DIP2A: variants seen among roughly 807,000 people sequenced by gnomAD.
DIP2A encodes disco-interacting protein 2 homolog A.
DIP2A carries 85 observed loss-of-function variants against 177.4 expected under a neutral mutation model. That is an observed-to-expected ratio of 0.48 (90% confidence interval 0.40 to 0.57). DIP2A has a LOEUF of 0.57. DIP2A is among the 20% of genes least tolerant of loss of function. The pLI, the probability that DIP2A is intolerant of heterozygous loss-of-function variation, is 0.00. For missense variants in DIP2A, 1,791 were observed against 2,100.2 expected (o/e 0.85, Z 2.88); for synonymous variants, 886 against 881.8 (o/e 1.00, Z -0.08).
downstream of DIP2A, among the ~76,000 whole-genome samples, chr21:46,572,075 A>G (rs944645878): frequency 2.6e-5 from 4 of 152,154 alleles, no homozygotes; most frequent in African/African-American, 9.7e-5. Flanking sequence ...GATATGGTCC[A>G]CCAATACCTA....
At chr21:46,559,664 CAT>C (rs2060600555) in intron 32 of DIP2A, among the ~76,000 whole-genome samples, 1 of 152,350 alleles carries the variant, frequency 6.6e-6, no homozygotes, top group East Asian at 1.9e-4. Context: ...GGATGCCACA[CAT>C]GATTGCAGAA....
chr21:46,556,246 A>C lies in DIP2A; in HGVS notation c.3498+155A>C. 2 of 1,428,166 alleles carry C rather than the reference A, an allele frequency of 1.4e-6. No individual in the cohort carries two copies. Among genetic ancestry groups the C allele is most frequent in the Non-Finnish European group, 9.6e-7 (1 of 1,036,580 alleles). The allele number at this position is 1,428,166 out of a possible 1,614,324, so 88.5% of individuals were successfully genotyped here. A position where few individuals can be genotyped will look rare whatever the true frequency, so the allele number is the denominator to read the frequency against. The stretch of plus-strand genomic sequence containing the variant: ...TAAGATTTGTGTTAAATACCAATAA[A>C]TGCTAAGATGTGATTAGCCTGAGAG... On this transcript the variant is annotated intron_variant, in intron 29 of 37. Coordinates refer to ENST00000417564, the MANE Select transcript of DIP2A (RefSeq NM_015151.4). The surrounding 1 kb of genome is among the most constrained non-coding windows in gnomAD (Gnocchi z 4.5).
chr21:46,474,007 T>G (rs1252075179), intron 1 of DIP2A, among the ~76,000 whole-genome samples: 1 of 152,314 alleles, frequency 6.6e-6, no homozygotes, highest in East Asian at 1.9e-4. Flanking sequence ...GAGTCTGAAA[T>G]TGGGGGACAG....
chr21:46,565,956 T>C, intron 36 of DIP2A, 69 bp downstream of exon 36: 1 of 1,564,364 alleles, frequency 6.4e-7, no homozygotes, highest in Admixed American at 1.7e-5. Context: ...AAGAGCTTAG[T>C]CACCTGCTAG....
chr21:46,528,944 A>G (rs2059240548), intron 8 of DIP2A, 148 bp from the exon 9 acceptor site: 1 of 497,002 alleles, frequency 2.0e-6, no homozygotes, highest in African/African-American at 2.0e-5. Flanking sequence ...TCATTACAAC[A>G]TTGTGCAGAA....
intron 25 of DIP2A, chr21:46,553,878 C>T (rs572795584): frequency 3.2e-5 from 9 of 279,490 alleles, no homozygotes; most frequent in Admixed American, 4.2e-5. Flanking sequence ...AGACACCAGT[C>T]GTGGACCATG....
Position 46,464,844 on chromosome 21 carries a change from T to TTTTTTTTTTTTTTTTCC in DIP2A, c.91+5622_91+5623insTTTTTTTTTTTTTTTCC, listed in dbSNP as rs58546395. ...TTTTTTTTTTTTTTTTTTTTTTTTT[T>TTTTTTTTTTTTTTTTCC]CAAGAAAACACACAACAAATGTCAG... On this transcript the variant is annotated intron_variant, in intron 1 of 37. Transcript: ENST00000417564. 1.9e-4 allele frequency among the ~76,000 whole-genome samples: 21 copies of TTTTTTTTTTTTTTTTCC among 111,230 alleles called. 1 individual carries two copies. The highest frequency in any genetic ancestry group is 7.1e-4 in the African/African-American group (17 of 23,994). The allele number at this position is 111,230 out of a possible 152,430, so 73.0% of individuals were successfully genotyped here. A position where few individuals can be genotyped will look rare whatever the true frequency, so the allele number is the denominator to read the frequency against.
intron 8 of DIP2A, among the ~76,000 whole-genome samples, chr21:46,512,418 A>T (rs765843173): frequency 1.3e-5 from 2 of 152,190 alleles, no homozygotes; most frequent in Non-Finnish European, 2.9e-5. Context: ...GGCAGTGAGT[A>T]TGTGAGGGGT....
intron 7 of DIP2A, 27 bp from the exon 8 acceptor site, chr21:46,511,390 A>G (rs1163398882): frequency 6.3e-7 from 1 of 1,580,360 alleles, no homozygotes; most frequent in Non-Finnish European, 8.6e-7. Flanking sequence ...TGAATTGCTG[A>G]TTTTAAAGTT....
chr21:46,529,093 T>G lies in DIP2A; in HGVS notation c.1104T>G (p.Gly368=). ...CTTAGTATTTTTATTTTGTTTTAGG[T>G]AAACTTTGGAGTCGGAGTTTAAAAC... The part of the protein sequence containing the change: ...TGKAVYTLTY[G]KLWSRSLKLA... Residue 368 remains glycine, a splice_region_variant and synonymous_variant, in exon 9 of 38, where the codon GGT becomes GGG. Coordinates refer to ENST00000417564, the MANE Select transcript of DIP2A (RefSeq NM_015151.4). The G allele has an allele frequency of 6.7e-7, 1 of 1,496,876 alleles. No homozygotes were observed. Among genetic ancestry groups the G allele is most frequent in the Non-Finnish European group, 8.9e-7 (1 of 1,119,964 alleles). 92.7% of individuals were successfully genotyped at this position (1,496,876 alleles called of 1,614,324 possible).
At position 46,556,371 on chromosome 21, in the gene DIP2A, TG is replaced by T; in HGVS notation, c.3498+283del. The T allele has an allele frequency of 7.1e-7, 1 of 1,400,096 alleles. No individual in the cohort carries two copies. The highest frequency in any genetic ancestry group is 9.5e-7 in the Non-Finnish European group (1 of 1,051,230). The allele number at this position is 1,400,096 out of a possible 1,614,324, so 86.7% of individuals were successfully genotyped here. ...GGCTTTGAAGAATCTCTTACCTTGCTGGGAGTCAATAGCTCAATTAAAATTT... is the reference window on the plus strand; with the variant it reads ...GGCTTTGAAGAATCTCTTACCTTGCTGGAGTCAATAGCTCAATTAAAATTT... On this transcript the variant is annotated intron_variant, in intron 29 of 37. Coordinates refer to ENST00000417564, the MANE Select transcript of DIP2A (RefSeq NM_015151.4). This position sits in a 1 kb window ranked among gnomAD's most constrained non-coding sequence, Gnocchi z 4.5.
chr21:46,459,680 A>T (rs1180208219), intron 1 of DIP2A, among the ~76,000 whole-genome samples: 1 of 148,054 alleles, frequency 6.8e-6, no homozygotes. Context: ...CAAACCAGGG[A>T]CCACTGCCCC....
chr21:46,474,926 T>C (rs1487272531), intron 1 of DIP2A, among the ~76,000 whole-genome samples: 1 of 152,118 alleles, frequency 6.6e-6, no homozygotes, highest in Admixed American at 6.5e-5. Context: ...CTGAACAAAG[T>C]TGTGGAGGAG....
intron 8 of DIP2A, among the ~76,000 whole-genome samples, chr21:46,526,010 G>A (rs1199658429): frequency 2.0e-5 from 3 of 151,772 alleles, no homozygotes; most frequent in Non-Finnish European, 2.9e-5. Flanking sequence ...CCGGGTTCAA[G>A]TGATTCTTCT....
At chr21:46,564,905 A>G (rs2060785917) in intron 35 of DIP2A, among the ~76,000 whole-genome samples, 1 of 152,200 alleles carries the variant, frequency 6.6e-6, no homozygotes, top group South Asian at 2.1e-4. Context: ...CAGGTCTGTA[A>G]GTCAAGGGTG....
Position 46,554,152 on chromosome 21 carries a change from A to G in DIP2A, c.3031-17A>G. Reference sequence around the variant, plus strand: ...CACGCACCAGCATACAGATGAGCTCAAAGATCGCTTTCCTAGGGCACCGTC... The same window carrying G: ...CACGCACCAGCATACAGATGAGCTCGAAGATCGCTTTCCTAGGGCACCGTC... On this transcript the variant is annotated splice_polypyrimidine_tract_variant and intron_variant, in intron 25 of 37. Transcript: ENST00000417564. The G allele has an allele frequency of 1.2e-6, 2 of 1,611,422 alleles. No homozygotes were observed. The highest frequency in any genetic ancestry group is 1.7e-6 in the Non-Finnish European group (2 of 1,178,340).
intron 21 of DIP2A, 77 bp downstream of exon 21, chr21:46,547,119 A>C: frequency 6.5e-7 from 1 of 1,548,218 alleles, no homozygotes; most frequent in Non-Finnish European, 8.7e-7. Flanking sequence ...CAGTAGATGG[A>C]AAGCCCAGCA....
intron 1 of DIP2A, among the ~76,000 whole-genome samples, chr21:46,474,372 A>G (rs1225566205): frequency 1.3e-5 from 2 of 152,208 alleles, no homozygotes; most frequent in African/African-American, 2.4e-5. Context: ...TGGAGTGAAT[A>G]TGATTACCCC....
Position 46,567,610 on chromosome 21 carries a change from C to G in DIP2A, c.4704C>G (p.Ala1568=). 1 of 1,600,054 alleles carries G rather than the reference C, an allele frequency of 6.2e-7. No homozygotes were observed. Among genetic ancestry groups the G allele is most frequent in the Non-Finnish European group, 8.5e-7 (1 of 1,172,098 alleles). ...LADQLDPIYV[A]YNM Reference sequence around the variant, plus strand: ...ACCAGCTGGACCCCATCTATGTCGCCTACAACATGTGAGCGCAGCACACCG... The same window carrying G: ...ACCAGCTGGACCCCATCTATGTCGCGTACAACATGTGAGCGCAGCACACCG... Residue 1568 remains alanine, a synonymous_variant, in exon 38 of 38, where the codon GCC becomes GCG. Coordinates refer to ENST00000417564, the MANE Select transcript of DIP2A (RefSeq NM_015151.4).
Sources: allele counts gnomAD v4.1 joint callset (sites outside exome capture counted in the v4.1 genomes callset), GRCh38; gene constraint gnomAD v4.1.1; non-coding constraint Gnocchi (gnomAD v3.1); transcripts MANE v1.5; gene names NCBI Gene and HGNC (gene_info 2026-07-23, HGNC 2026-07-21).